Variants in IRF2 observed in about 807,000 individuals in gnomAD.
The protein encoded by IRF2 is interferon regulatory factor 2.
Under a neutral mutation model 40.6 loss-of-function variants are expected in IRF2, and 15 were observed. That is an observed-to-expected ratio of 0.37 (90% CI 0.25 to 0.57). The LOEUF (loss-of-function observed/expected upper bound fraction) is 0.57, where lower values mean the gene tolerates loss of function less well. Ranked by LOEUF, IRF2 falls within the 20% of genes least tolerant of loss-of-function variation. The pLI, the probability that IRF2 is intolerant of heterozygous loss-of-function variation, is 0.77. For synonymous variants in IRF2, 151 were observed against 165.5 expected, an observed-to-expected ratio of 0.91 and a Z score of 0.67; for missense variants, 317 against 455.7, an observed-to-expected ratio of 0.70 and a Z score of 2.77.
At position 184,388,542 on chromosome 4, in the gene IRF2, A is replaced by C; in HGVS notation, c.*216T>G. The C allele has an allele frequency of 1.8e-6, 1 of 546,718 alleles. No homozygotes were observed. The highest frequency in any genetic ancestry group is 3.2e-6 in the Non-Finnish European group (1 of 315,284). The allele number at this position is 546,718 out of a possible 1,614,324, so 33.9% of individuals were successfully genotyped here. A position where few individuals can be genotyped will look rare whatever the true frequency, so the allele number is the denominator to read the frequency against. Reference sequence around the variant, plus strand: ...TTGAGTGAGTAGCCCTGGGAGATCCAGCAGGCTCTAGAAACACACGTCTAC... The same window carrying C: ...TTGAGTGAGTAGCCCTGGGAGATCCCGCAGGCTCTAGAAACACACGTCTAC... On this transcript the variant is annotated 3_prime_UTR_variant, in exon 9 of 9. Coordinates refer to ENST00000393593, the MANE Select transcript of IRF2 (RefSeq NM_002199.4). The surrounding 1 kb of genome is among the most constrained non-coding windows in gnomAD (Gnocchi z 4.6).
At chr4:184,395,603 C>A (rs1277801185) in intron 7 of IRF2, among the ~76,000 whole-genome samples, 1 of 152,154 alleles carries the variant, frequency 6.6e-6, no homozygotes, top group East Asian at 1.9e-4. Flanking sequence ...GACGGAGGAA[C>A]TAAAATTAGC....
chr4:184,395,092 C>A (rs1233102830), intron 7 of IRF2, among the ~76,000 whole-genome samples: 1 of 152,074 alleles, frequency 6.6e-6, no homozygotes, highest in Non-Finnish European at 1.5e-5. Flanking sequence ...CCTCCAAATA[C>A]CAGTTTCCCA....
At chr4:184,390,855 C>T (rs769458279) in intron 7 of IRF2, 106 bp from the exon 8 acceptor site, 12 of 1,094,620 alleles carry the variant, frequency 1.1e-5, no homozygotes, top group Non-Finnish European at 1.4e-5. Flanking sequence ...AACGCATCAC[C>T]TCCCTCCCTT....
At chr4:184,431,708 G>A (rs558065693) in intron 1 of IRF2, among the ~76,000 whole-genome samples, 18 of 152,328 alleles carry the variant, frequency 1.2e-4, no homozygotes, top group African/African-American at 3.1e-4. Context: ...ACAGCCTGAC[G>A]TGCAGAAGTG....
At position 184,444,113 on chromosome 4, in the gene IRF2, G is replaced by A. The variant is rs530232428; in HGVS notation, c.-6-15043C>T. Among the ~76,000 whole-genome samples the A allele has an allele frequency of 1.1e-4, 17 of 152,296 alleles. No individual in the cohort carries two copies. The East Asian group carries it at 1.7e-3, about 16-fold the overall frequency. On this transcript the variant is annotated intron_variant, in intron 1 of 8. Coordinates refer to ENST00000393593, the MANE Select transcript of IRF2 (RefSeq NM_002199.4). ...CAGGGCAGAGACCAGGGAAGACCTC[G>A]GCGGCTCCCATATCCATGACAAGTG...
chr4:184,438,457 C>T (rs185349527), intron 1 of IRF2, among the ~76,000 whole-genome samples: 142 of 152,244 alleles, frequency 9.3e-4, no homozygotes, highest in African/African-American at 1.7e-3. Flanking sequence ...TTTTATGAAA[C>T]GTTTGCTTCC....
intron 6 of IRF2, among the ~76,000 whole-genome samples, chr4:184,401,126 C>T (rs535086319): frequency 9.8e-5 from 15 of 152,344 alleles, no homozygotes; most frequent in African/African-American, 2.9e-4. Flanking sequence ...TCTCACCAAT[C>T]GGCAAAGTAT....
intron 1 of IRF2, among the ~76,000 whole-genome samples, chr4:184,449,635 A>C (rs1260497858): frequency 6.6e-6 from 1 of 152,234 alleles, no homozygotes; most frequent in African/African-American, 2.4e-5. Context: ...AACTGCCATC[A>C]AAAGAAGCGT....
chr4:184,448,471 G>C lies in IRF2; in HGVS notation c.-6-19401C>G, dbSNP rs190964125. Among the ~76,000 whole-genome samples, 1 of 152,292 alleles carries C rather than the reference G, an allele frequency of 6.6e-6. No homozygotes were observed. Among genetic ancestry groups the C allele is most frequent in the East Asian group, 1.9e-4 (1 of 5,192 alleles). On this transcript the variant is annotated intron_variant, in intron 1 of 8. Transcript: ENST00000393593. This position sits in a 1 kb window ranked among gnomAD's most constrained non-coding sequence, Gnocchi z 4.3. ...ATTTAAATTGTTCAGTTGTGTAGAA[G>C]AGGAGAAATAAGACGGCCAAAGAGC...
At chr4:184,429,212 A>T in intron 1 of IRF2, 142 bp from the exon 2 acceptor site, 1 of 665,554 alleles carries the variant, frequency 1.5e-6, no homozygotes, top group Non-Finnish European at 2.6e-6. Flanking sequence ...CGGTGTACTC[A>T]GGGGCTGTGC....
At position 184,445,654 on chromosome 4, in the gene IRF2, C is replaced by CA. The variant is rs386683242; in HGVS notation, c.-6-16585dup. On this transcript the variant is annotated intron_variant, in intron 1 of 8. Transcript: ENST00000393593. ...TGGGCGACAGAGTGAGACTCCATCACAAAAAAAAAAAAAAGAAGAAGAAGA... is the reference window on the plus strand; with the variant it reads ...TGGGCGACAGAGTGAGACTCCATCACAAAAAAAAAAAAAAAGAAGAAGAAGA... Among the ~76,000 whole-genome samples the CA allele has an allele frequency of 8.5e-3, 1,033 of 120,820 alleles. 8 individuals carry two copies. Among genetic ancestry groups the CA allele is most frequent in the African/African-American group, 0.019 (505 of 27,176 alleles). 79.3% of individuals were successfully genotyped at this position (120,820 alleles called of 152,430 possible).
chr4:184,418,124 A>C, intron 5 of IRF2, 43 bp downstream of exon 5: 2 of 1,484,568 alleles, frequency 1.3e-6, no homozygotes, highest in Non-Finnish European at 1.9e-6. Context: ...AGTCATTAAT[A>C]GGATCCCAAC....
chr4:184,461,678 C>G (rs997856229), intron 1 of IRF2, among the ~76,000 whole-genome samples: 16 of 75,310 alleles, frequency 2.1e-4, no homozygotes, highest in Admixed American at 8.0e-4. Flanking sequence ...GCACTCTCCT[C>G]TACCCGCCCC....
chr4:184,432,456 C>T (rs751613567), intron 1 of IRF2, among the ~76,000 whole-genome samples: 4 of 152,322 alleles, frequency 2.6e-5, no homozygotes, highest in South Asian at 2.1e-4. Context: ...AGTGCCTTCC[C>T]GGGTTCCTAA....
chr4:184,472,536 C>T (rs1739548117), intron 1 of IRF2: 1 of 152,188 alleles, frequency 6.6e-6, no homozygotes, highest in Admixed American at 6.5e-5. Flanking sequence ...GGCCATTCAT[C>T]AAAAGCAGAC....
chr4:184,449,845 T>C (rs1036988663), intron 1 of IRF2, among the ~76,000 whole-genome samples: 1 of 152,216 alleles, frequency 6.6e-6, no homozygotes, highest in Non-Finnish European at 1.5e-5. Context: ...CTATGGTATG[T>C]GGTTAGTATG....
rs576297110 is a variant in IRF2, at chr4:184,435,185, G to T, written c.-6-6115C>A. Among the ~76,000 whole-genome samples the T allele has an allele frequency of 8.5e-5, 13 of 152,194 alleles. No individual in the cohort carries two copies. The East Asian group carries it at 2.3e-3, about 27-fold the overall frequency. ...AGCCAAGACTCTCATTTAAATTCAG[G>T]CCTATCTAACGTGAAACACCCAGGC... is the stretch of plus-strand genomic sequence containing the variant. On this transcript the variant is annotated intron_variant, in intron 1 of 8. Transcript: ENST00000393593.
intron 4 of IRF2, 23 bp from the exon 5 acceptor site, chr4:184,418,236 T>G: frequency 6.3e-7 from 1 of 1,596,922 alleles, no homozygotes. Flanking sequence ...AAATGTAGTT[T>G]TGGATTAATT....
At chr4:184,398,089 G>C (rs894151077) in intron 7 of IRF2, among the ~76,000 whole-genome samples, 1 of 152,172 alleles carries the variant, frequency 6.6e-6, no homozygotes, top group Admixed American at 6.5e-5. Context: ...GGACAAGTAC[G>C]CTTGGTGGAT....
Sources: gnomAD v4.1 joint callset for allele counts (sites outside exome capture counted in the v4.1 genomes callset) on GRCh38, gnomAD v4.1.1 for gene constraint, Gnocchi (gnomAD v3.1) non-coding constraint, MANE v1.5 for transcripts, NCBI Gene and HGNC (gene_info 2026-07-23, HGNC 2026-07-21) for gene names.